The following EIF2AK3 variants were observed in gnomAD, a reference collection of about 807,000 sequenced individuals.
EIF2AK3 encodes the protein eukaryotic translation initiation factor 2 alpha kinase 3.
Under a neutral mutation model 113.5 loss-of-function variants are expected in EIF2AK3, and 50 were observed. That is an observed-to-expected ratio of 0.44 (90% confidence interval 0.35 to 0.56). The LOEUF is 0.56. Ranked by LOEUF, EIF2AK3 falls within the 20% of genes least tolerant of loss-of-function variation. The pLI is 0.00. For synonymous variants in EIF2AK3, 448 were observed against 495.4 expected (o/e 0.90, Z 1.27); for missense variants, 1,185 against 1,378.0 (o/e 0.86, Z 2.22).
intron 1 of EIF2AK3, among the ~76,000 whole-genome samples, chr2:88,618,468 T>C (rs944041695): frequency 2.0e-5 from 3 of 152,322 alleles, no homozygotes; most frequent in South Asian, 2.1e-4. Context: ...AGGCAAAATA[T>C]GGTTATTTCA....
intron 2 of EIF2AK3, chr2:88,595,999 A>G (rs1431226406): frequency 2.6e-6 from 1 of 386,410 alleles, no homozygotes; most frequent in Non-Finnish European, 4.8e-6. Flanking sequence ...AGTGAGTTCA[A>G]GAAGAGGTTA....
rs1674415601 is a variant in EIF2AK3 at position 88,574,968 on chromosome 2, CAGTT to C, written c.2511_2514del (p.Thr838LeufsTer25). ...GATTTGCTACTGGTGGGCTTGAAAGCAGTTAGTTTATTAGCACAATGGTTGCCAA... is the reference window on the plus strand; with the variant it reads ...GATTTGCTACTGGTGGGCTTGAAAGCAGTTTATTAGCACAATGGTTGCCAA... On this transcript the variant is annotated frameshift_variant, in exon 13 of 17. Transcript: ENST00000303236. LOFTEE classifies it high-confidence loss of function. 3 of 1,614,030 alleles carry C rather than the reference CAGTT, an allele frequency of 1.9e-6. No individual in the cohort carries two copies. Among genetic ancestry groups the C allele is most frequent in the Non-Finnish European group, 2.5e-6 (3 of 1,180,022 alleles).
intron 15 of EIF2AK3, among the ~76,000 whole-genome samples, chr2:88,560,175 C>T (rs980379369): frequency 6.6e-6 from 1 of 151,974 alleles, no homozygotes; most frequent in Admixed American, 6.6e-5. Context: ...AGTGGTATCT[C>T]ATTGTGGTTT....
Position 88,586,075 on chromosome 2 carries a change from C to T in EIF2AK3, c.1430-14G>A, listed in dbSNP as rs2104429832. The T allele has an allele frequency of 1.2e-6, 2 of 1,607,550 alleles. No homozygotes were observed. Among genetic ancestry groups the T allele is most frequent in the Admixed American group, 1.7e-5 (1 of 59,942 alleles). ...AATAACCATTATCTTCAAATAGAAA[C>T]ATTAAAACGTTTTTTTTAAAGGTAA... On this transcript the variant is annotated splice_polypyrimidine_tract_variant and intron_variant, in intron 8 of 16. Coordinates refer to ENST00000303236, the MANE Select transcript of EIF2AK3 (RefSeq NM_004836.7).
At chr2:88,596,938 C>A (rs1675035755) in intron 2 of EIF2AK3, among the ~76,000 whole-genome samples, 1 of 152,136 alleles carries the variant, frequency 6.6e-6, no homozygotes, top group Non-Finnish European at 1.5e-5. Flanking sequence ...TGACCTTTGG[C>A]ATTTAAAAAA....
At chr2:88,579,330 T>C (rs957740733) in intron 11 of EIF2AK3, among the ~76,000 whole-genome samples, 188 bp downstream of exon 11, 2 of 152,220 alleles carry the variant, frequency 1.3e-5, no homozygotes, top group African/African-American at 2.4e-5. Context: ...TAAAAGTAGA[T>C]AGAAAGCAAC....
intron 14 of EIF2AK3, among the ~76,000 whole-genome samples, chr2:88,563,376 C>T (rs1274457569): frequency 6.6e-6 from 1 of 152,132 alleles, no homozygotes; most frequent in Non-Finnish European, 1.5e-5. Context: ...AGTGGCATCA[C>T]CCTCTTCCCT....
chr2:88,585,429 T>C (rs1674695758), intron 9 of EIF2AK3, among the ~76,000 whole-genome samples: 2 of 151,746 alleles, frequency 1.3e-5, no homozygotes. Context: ...TGGGAACCAT[T>C]AGTATATAAG....
chr2:88,563,713 A>G (rs937189590), intron 14 of EIF2AK3, among the ~76,000 whole-genome samples: 2 of 152,234 alleles, frequency 1.3e-5, no homozygotes, highest in African/African-American at 4.8e-5. Flanking sequence ...TCCCAAATGA[A>G]TGTTGAATAC....
intron 13 of EIF2AK3, among the ~76,000 whole-genome samples, chr2:88,573,559 C>T (rs1287773190): frequency 6.6e-6 from 1 of 152,186 alleles, no homozygotes; most frequent in African/African-American, 2.4e-5. Flanking sequence ...AATAATTCAT[C>T]TCTGAACTTT....
chr2:88,565,099 A>C (rs1273325988), intron 14 of EIF2AK3, among the ~76,000 whole-genome samples: 2 of 150,950 alleles, frequency 1.3e-5, no homozygotes, highest in African/African-American at 4.9e-5. Context: ...TGCAATGGCA[A>C]GATGTCGGCT....
intron 13 of EIF2AK3, among the ~76,000 whole-genome samples, chr2:88,573,737 A>G (rs1674378170): frequency 6.6e-6 from 1 of 152,174 alleles, no homozygotes; most frequent in Admixed American, 6.5e-5. Flanking sequence ...GAATTTGAAA[A>G]CCTACTGCTG....
chr2:88,615,676 CCTG>C (rs1195362914), intron 1 of EIF2AK3, among the ~76,000 whole-genome samples: 3 of 152,182 alleles, frequency 2.0e-5, no homozygotes, highest in Non-Finnish European at 4.4e-5. Context: ...AGCATTCAAA[CCTG>C]CTACTATTTT....
At chr2:88,604,679 G>A (rs917036124) in intron 2 of EIF2AK3, among the ~76,000 whole-genome samples, 2 of 152,072 alleles carry the variant, frequency 1.3e-5, no homozygotes, top group African/African-American at 2.4e-5. Flanking sequence ...CTGCAATCCC[G>A]CAATGCTGAA....
intron 13 of EIF2AK3, among the ~76,000 whole-genome samples, chr2:88,571,796 C>T (rs780919101): frequency 3.9e-5 from 6 of 152,172 alleles, no homozygotes; most frequent in Non-Finnish European, 5.9e-5. Flanking sequence ...TGCTGCCTCT[C>T]GTAAAACCTC....
rs376505511 is a variant in EIF2AK3, at chr2:88,575,374, G to A, written c.2109C>T (p.Phe703=). The A allele has an allele frequency of 2.4e-5, 38 of 1,613,806 alleles. No homozygotes were observed. The highest frequency in any genetic ancestry group is 3.1e-5 in the Non-Finnish European group (36 of 1,180,012). The change falls in exon 13 of 17, where the codon TTC becomes TTT. Residue 703 remains phenylalanine, a synonymous_variant. Coordinates refer to ENST00000303236, the MANE Select transcript of EIF2AK3 (RefSeq NM_004836.7). ...PSVKIRRMDP[F]ATKEHIEIIA... ...TGATTTCAATATGTTCTTTTGTAGC[G>A]AAAGGATCCATTCTGCGTATTTTAA...
chr2:88,626,284 A>G (rs2103990497), intron 1 of EIF2AK3, among the ~76,000 whole-genome samples: 1 of 152,368 alleles, frequency 6.6e-6, no homozygotes, highest in Non-Finnish European at 1.5e-5. Flanking sequence ...CATGGCTCTT[A>G]GGTTCAAGAA....
chr2:88,618,993 TATCA>T (rs1375828864), intron 1 of EIF2AK3, among the ~76,000 whole-genome samples: 2 of 151,550 alleles, frequency 1.3e-5, no homozygotes, highest in African/African-American at 2.4e-5. Context: ...GGTCCTCATC[TATCA>T]TTCTTTTTTT....
rs1279079798 is a variant in EIF2AK3, at chr2:88,557,527, T to A, written c.*209A>T. On this transcript the variant is annotated 3_prime_UTR_variant, in exon 17 of 17. Coordinates refer to ENST00000303236, the MANE Select transcript of EIF2AK3 (RefSeq NM_004836.7). Reference sequence around the variant, plus strand: ...TCAAGAGACTAACAAAGAACAAAGATAGCCCTTTCCTTAAGTATAGCAAAA... The same window carrying A: ...TCAAGAGACTAACAAAGAACAAAGAAAGCCCTTTCCTTAAGTATAGCAAAA... 2 of 603,848 alleles carry A rather than the reference T, an allele frequency of 3.3e-6. No homozygotes were observed. Among genetic ancestry groups the A allele is most frequent in the South Asian group, 2.0e-5 (1 of 50,354 alleles). The allele number at this position is 603,848 out of a possible 1,614,324, so 37.4% of individuals were successfully genotyped here.
Sources: gnomAD v4.1 joint callset for allele counts (sites outside exome capture counted in the v4.1 genomes callset) on GRCh38, gnomAD v4.1.1 for gene constraint, MANE v1.5 for transcripts, NCBI Gene and HGNC (gene_info 2026-07-23, HGNC 2026-07-21) for gene names.